Variants in HTR1F observed in about 807,000 individuals in gnomAD.
HTR1F encodes the protein 5-hydroxytryptamine receptor 1F.
Under a neutral mutation model 24.0 loss-of-function variants are expected in HTR1F, and 17 were observed. That is an observed-to-expected ratio of 0.71 (90% confidence interval 0.48 to 1.06). The LOEUF (loss-of-function observed/expected upper bound fraction) is 1.06, where lower values mean the gene tolerates loss of function less well. HTR1F is among the 50% of genes least tolerant of loss of function. HTR1F has a pLI of 0.00. For missense variants in HTR1F, 391 were observed against 427.8 expected (o/e 0.91, Z 0.76); for synonymous variants, 186 against 156.8 (o/e 1.19, Z -1.39).
chr3:87,901,513 C>A (rs2116146), intron 2 of HTR1F, among the ~76,000 whole-genome samples: 13,567 of 152,050 alleles, frequency 0.089, 1,902 homozygotes, highest in African/African-American at 0.3. Flanking sequence ...TACAAGCCAC[C>A]CAATAAGTAG....
intron 1 of HTR1F, among the ~76,000 whole-genome samples, chr3:87,819,137 T>C (rs1216188434): frequency 6.6e-6 from 1 of 152,204 alleles, no homozygotes; most frequent in Non-Finnish European, 1.5e-5. Flanking sequence ...AAATTATCTC[T>C]GCATGTTTAG....
chr3:87,837,479 A>G (rs577032241), intron 2 of HTR1F, among the ~76,000 whole-genome samples: 7 of 152,098 alleles, frequency 4.6e-5, no homozygotes, highest in Non-Finnish European at 8.8e-5. Flanking sequence ...CAAGTTCACA[A>G]TCCGGAAGCT....
chr3:87,937,747 C>T (rs1410871131), intron 2 of HTR1F, among the ~76,000 whole-genome samples: 1 of 151,992 alleles, frequency 6.6e-6, no homozygotes, highest in Non-Finnish European at 1.5e-5. Context: ...CACAGTGAAA[C>T]CCCGTCTCTA....
chr3:87,904,719 C>T (rs1004490154), intron 2 of HTR1F, among the ~76,000 whole-genome samples: 5 of 151,976 alleles, frequency 3.3e-5, no homozygotes, highest in African/African-American at 1.2e-4. Flanking sequence ...TAATGTTGAG[C>T]AAAAGAAGCC....
At chr3:87,926,258 ACT>A (rs1227510229) in intron 2 of HTR1F, among the ~76,000 whole-genome samples, 2 of 152,144 alleles carry the variant, frequency 1.3e-5, no homozygotes, top group African/African-American at 4.8e-5. Flanking sequence ...TTCAGTGTTG[ACT>A]CTCAAGTTTA....
intron 2 of HTR1F, among the ~76,000 whole-genome samples, chr3:87,915,681 A>G (rs1847308): frequency 0.045 from 6,832 of 152,184 alleles, 497 homozygotes; most frequent in African/African-American, 0.15. Context: ...GAAAATATGA[A>G]CAAAGCCTCC....
At chr3:87,983,288 T>C (rs1705592304) in intron 2 of HTR1F, among the ~76,000 whole-genome samples, 1 of 152,086 alleles carries the variant, frequency 6.6e-6, no homozygotes, top group African/African-American at 2.4e-5. Flanking sequence ...GAAAAGAAAA[T>C]GTATACATAT....
At chr3:87,847,263 G>T (rs1488814352) in intron 2 of HTR1F, among the ~76,000 whole-genome samples, 2 of 151,772 alleles carry the variant, frequency 1.3e-5, no homozygotes, top group Non-Finnish European at 2.9e-5. Flanking sequence ...TATTTTTGCA[G>T]ATGGGTTAAT....
At position 87,797,274 on chromosome 3, in the gene HTR1F, G is replaced by A. The variant is rs112712120; in HGVS notation, c.-160+4432G>A. On this transcript the variant is annotated intron_variant, in intron 1 of 2. Transcript: ENST00000319595. ...CATGGTTTCAGGCATTCACTGGGGGGTCTTGGGCCTATGCCTAATAGATAA... is the reference window on the plus strand; with the variant it reads ...CATGGTTTCAGGCATTCACTGGGGGATCTTGGGCCTATGCCTAATAGATAA... Among the ~76,000 whole-genome samples, 563 of 152,266 alleles carry A rather than the reference G, an allele frequency of 3.7e-3. 6 individuals are homozygous for A. The highest frequency in any genetic ancestry group is 0.013 in the African/African-American group (538 of 41,550).
At chr3:87,952,352 C>T (rs1013549781) in intron 2 of HTR1F, among the ~76,000 whole-genome samples, 1 of 151,956 alleles carries the variant, frequency 6.6e-6, no homozygotes, top group African/African-American at 2.4e-5. Context: ...CCCCAAAGAG[C>T]AACTGAGGCT....
intron 2 of HTR1F, among the ~76,000 whole-genome samples, chr3:87,901,036 C>T (rs998051214): frequency 2.0e-5 from 3 of 152,070 alleles, no homozygotes; most frequent in Non-Finnish European, 2.9e-5. Context: ...GATAGACACT[C>T]CACCAGAAGG....
chr3:87,889,706 T>C (rs1706037193), intron 2 of HTR1F, among the ~76,000 whole-genome samples: 1 of 152,214 alleles, frequency 6.6e-6, no homozygotes, highest in Non-Finnish European at 1.5e-5. Context: ...GAGCCATGTT[T>C]GGTAATTTAA....
At chr3:87,903,780 T>C (rs1703587964) in intron 2 of HTR1F, among the ~76,000 whole-genome samples, 1 of 152,210 alleles carries the variant, frequency 6.6e-6, no homozygotes, top group Admixed American at 6.6e-5. Flanking sequence ...ACTGGGTATA[T>C]ACCCAAAGGA....
At position 87,992,694 on chromosome 3, in the gene HTR1F, C is replaced by G. The variant is rs73140107; in HGVS notation, c.*844C>G. ...ATAGATTACTCACCACAGTTATACT[C>G]TTAACATCTTTTTAAAAGTATAAAA... On this transcript the variant is annotated 3_prime_UTR_variant, in exon 3 of 3. Coordinates refer to ENST00000319595, the MANE Select transcript of HTR1F (RefSeq NM_001322209.2). 0.014 allele frequency: 2,260 copies of G among 167,016 alleles called. 23 individuals are homozygous for G. Among genetic ancestry groups the G allele is most frequent in the Non-Finnish European group, 0.021 (1,423 of 68,066 alleles). 10.3% of individuals were successfully genotyped at this position (167,016 alleles called of 1,614,324 possible). A position where few individuals can be genotyped will look rare whatever the true frequency, so the allele number is the denominator to read the frequency against.
At chr3:87,857,350 T>C (rs949535422) in intron 2 of HTR1F, among the ~76,000 whole-genome samples, 7 of 151,978 alleles carry the variant, frequency 4.6e-5, no homozygotes, top group Non-Finnish European at 1.0e-4. Context: ...GAATAATGAA[T>C]AGGAAGAATA....
At chr3:87,914,879 G>C (rs1366912374) in intron 2 of HTR1F, among the ~76,000 whole-genome samples, 1 of 152,090 alleles carries the variant, frequency 6.6e-6, no homozygotes, top group Non-Finnish European at 1.5e-5. Flanking sequence ...CCTGGCAGGA[G>C]GCCAGCCAGC....
intron 2 of HTR1F, among the ~76,000 whole-genome samples, chr3:87,927,403 G>A (rs533189960): frequency 6.6e-6 from 1 of 152,240 alleles, no homozygotes; most frequent in Non-Finnish European, 1.5e-5. Flanking sequence ...ATGCTCAGCA[G>A]TCCATATTTT....
chr3:87,927,153 C>A (rs1239104293), intron 2 of HTR1F, among the ~76,000 whole-genome samples: 1 of 152,080 alleles, frequency 6.6e-6, no homozygotes, highest in African/African-American at 2.4e-5. Context: ...TGGTTATATG[C>A]CACAACTTAA....
intron 2 of HTR1F, among the ~76,000 whole-genome samples, chr3:87,946,601 G>A (rs1358541310): frequency 1.1e-5 from 1 of 91,806 alleles, no homozygotes; most frequent in Non-Finnish European, 2.4e-5. Flanking sequence ...TTACATATAT[G>A]TGTGTGTGTG....
Sources: allele counts gnomAD v4.1 joint callset (sites outside exome capture counted in the v4.1 genomes callset), GRCh38; gene constraint gnomAD v4.1.1; transcripts MANE v1.5; gene names NCBI Gene and HGNC (gene_info 2026-07-23, HGNC 2026-07-21).